Variants in ASPHD1 observed in about 807,000 individuals in gnomAD.
The protein encoded by ASPHD1 is aspartate beta-hydroxylase domain-containing protein 1.
Under a neutral mutation model 28.3 loss-of-function variants are expected in ASPHD1, and 20 were observed. The observed-to-expected ratio is 0.71, with a 90% CI of 0.50 to 1.03. The LOEUF is 1.03. ASPHD1 is among the 50% of genes least tolerant of loss of function. The pLI is 0.00. For missense variants in ASPHD1, 479 were observed against 524.1 expected (o/e 0.91, Z 0.84); for synonymous variants, 240 against 221.2 (o/e 1.08, Z -0.75).
intron 3 of ASPHD1, among the ~76,000 whole-genome samples, chr16:29,916,708 T>A (rs778729386): frequency 1.1e-4 from 17 of 152,148 alleles, no homozygotes; most frequent in Non-Finnish European, 2.2e-4. Context: ...TATTTAAAAA[T>A]AAATAAATAA....
chr16:29,903,253 G>C (rs1437021718), intron 1 of ASPHD1, among the ~76,000 whole-genome samples: 1 of 152,008 alleles, frequency 6.6e-6, no homozygotes, highest in Non-Finnish European at 1.5e-5. Context: ...CTACTCGGGA[G>C]GCCGAGGCAG....
chr16:29,910,863 G>A (rs117849239), downstream of ASPHD1: 227 of 916,340 alleles, frequency 2.5e-4, no homozygotes, highest in East Asian at 3.1e-3. Context: ...CCAGACCCCA[G>A]GATCTGGCTC....
intron 1 of ASPHD1, among the ~76,000 whole-genome samples, chr16:29,903,678 T>C (rs764022616): frequency 6.6e-6 from 1 of 152,108 alleles, no homozygotes; most frequent in Non-Finnish European, 1.5e-5. Flanking sequence ...ATGAAAACCT[T>C]CTGGCCAATC....
At chr16:29,915,773 A>G (rs1277610863) in intron 3 of ASPHD1, among the ~76,000 whole-genome samples, 1 of 152,076 alleles carries the variant, frequency 6.6e-6, no homozygotes, top group Non-Finnish European at 1.5e-5. Context: ...TCTTGTTGGT[A>G]TTTCTGAGGT....
At chr16:29,909,103 AG>A (rs1462074151), downstream of ASPHD1, among the ~76,000 whole-genome samples, 1 of 152,092 alleles carries the variant, frequency 6.6e-6, no homozygotes, top group Non-Finnish European at 1.5e-5. Context: ...CTGTGTGAAA[AG>A]GGCCCAGCTA....
chr16:29,904,392 G>A (rs1167640797), intron 1 of ASPHD1, among the ~76,000 whole-genome samples: 1 of 151,514 alleles, frequency 6.6e-6, no homozygotes, highest in Admixed American at 6.6e-5. Context: ...GTTGCAGTGA[G>A]CCAAGATCAT....
chr16:29,905,467 C>A (rs1052832970), intron 2 of ASPHD1, among the ~76,000 whole-genome samples: 1 of 151,510 alleles, frequency 6.6e-6, no homozygotes, highest in Non-Finnish European at 1.5e-5. Context: ...CTCTATTAAA[C>A]ATACAAAGAA....
intron 3 of ASPHD1, among the ~76,000 whole-genome samples, chr16:29,918,321 C>A (rs1468975508): frequency 5.9e-5 from 9 of 152,162 alleles, no homozygotes; most frequent in African/African-American, 2.2e-4. Context: ...TCCCCTAGAT[C>A]CAGGGGCCAA....
chr16:29,908,172 C>G (rs748255071), downstream of ASPHD1, among the ~76,000 whole-genome samples: 31 of 151,950 alleles, frequency 2.0e-4, no homozygotes, highest in Non-Finnish European at 3.7e-4. Context: ...GAAAGAGCAG[C>G]CTGGGGAGGG....
At chr16:29,911,762 G>A in intron 3 of ASPHD1, 1 of 1,594,252 alleles carries the variant, frequency 6.3e-7, no homozygotes, top group Non-Finnish European at 8.6e-7. Flanking sequence ...GGCAGAAGCA[G>A]GGCTGTGCTG....
rs775400367 is a variant in ASPHD1, at chr16:29,901,277, C to T, written c.306C>T (p.Asp102=). The change falls in exon 1 of 3, where the codon GAC becomes GAT. Residue 102 remains aspartate (D), a synonymous_variant. Coordinates refer to ENST00000308748, the MANE Select transcript of ASPHD1 (RefSeq NM_181718.4). The surrounding 1 kb of genome is among the most constrained non-coding windows in gnomAD (Gnocchi z 5.1). ...ACTGCTACCGCCTGGGCTCCCAAGA[C>T]ATGCAGGCCCTAGGGGCTGGGAGCC... The part of the protein sequence containing the change: ...LWYCYRLGSQ[D]MQALGAGSRA... 20 of 1,612,978 alleles carry T rather than the reference C, an allele frequency of 1.2e-5. No homozygotes were observed. Among genetic ancestry groups the T allele is most frequent in the East Asian group, 2.2e-5 (1 of 44,872 alleles).
chr16:29,908,135 G>C (rs528667545), downstream of ASPHD1, among the ~76,000 whole-genome samples: 4 of 152,166 alleles, frequency 2.6e-5, no homozygotes, highest in Non-Finnish European at 5.9e-5. Flanking sequence ...CCAAAGGAGT[G>C]GGGGAGGGGA....
chr16:29,911,418 T>TC, intron 3 of ASPHD1: 1 of 559,184 alleles, frequency 1.8e-6, no homozygotes. Context: ...CCAGGCCACC[T>TC]CCCCGGGGGT....
At chr16:29,911,630 G>C in intron 3 of ASPHD1, 1 of 622,746 alleles carries the variant, frequency 1.6e-6, no homozygotes, top group East Asian at 2.7e-5. Flanking sequence ...ACTGATGACT[G>C]AGCTGAAGCT....
intron 3 of ASPHD1, among the ~76,000 whole-genome samples, chr16:29,918,018 T>C (rs2068840002): frequency 6.6e-6 from 1 of 152,064 alleles, no homozygotes; most frequent in Non-Finnish European, 1.5e-5. Context: ...AACAAGACCA[T>C]AAGGATACAG....
At chr16:29,903,725 G>C (rs1361657914) in intron 1 of ASPHD1, among the ~76,000 whole-genome samples, 1 of 151,914 alleles carries the variant, frequency 6.6e-6, no homozygotes, top group African/African-American at 2.4e-5. Flanking sequence ...TTTCAACCTA[G>C]AATCCCCTTC....
chr16:29,915,316 T>A (rs1164779804), intron 3 of ASPHD1: 1 of 152,194 alleles, frequency 6.6e-6, no homozygotes, highest in African/African-American at 2.4e-5. Context: ...GTATCTTGCA[T>A]GTCTTAGGGT....
rs1242011152 is a variant in ASPHD1, at chr16:29,905,978, C to A, written c.*81C>A. The A allele has an allele frequency of 6.3e-6, 5 of 792,206 alleles. No homozygotes were observed. The highest frequency in any genetic ancestry group is 8.0e-6 in the Non-Finnish European group (4 of 499,942). 49.1% of individuals were successfully genotyped at this position (792,206 alleles called of 1,614,324 possible). On this transcript the variant is annotated 3_prime_UTR_variant, in exon 3 of 3. Transcript: ENST00000308748. ...CTTGATGGTAGCCAGGACCTCCTCT[C>A]TACTGCGGGGGTGGGCGGGGGCGGA...
chr16:29,905,925 G>T lies in ASPHD1; in HGVS notation c.*28G>T, dbSNP rs1191776735. ...GAAGGTGCTCCCTTCACACACCCAG[G>T]CTGGAGAGACACTGCGCTCAGGGAC... On this transcript the variant is annotated 3_prime_UTR_variant, in exon 3 of 3. Coordinates refer to ENST00000308748, the MANE Select transcript of ASPHD1 (RefSeq NM_181718.4). The T allele has an allele frequency of 1.3e-6, 2 of 1,582,902 alleles. No individual in the cohort carries two copies. Among genetic ancestry groups the T allele is most frequent in the African/African-American group, 2.7e-5 (2 of 74,358 alleles).
Sources: allele counts gnomAD v4.1 joint callset (sites outside exome capture counted in the v4.1 genomes callset), GRCh38; gene constraint gnomAD v4.1.1; non-coding constraint Gnocchi (gnomAD v3.1); transcripts MANE v1.5; gene names NCBI Gene and HGNC (gene_info 2026-07-23, HGNC 2026-07-21).